MYT1L: variants seen among roughly 807,000 people sequenced by gnomAD.
MYT1L encodes myelin transcription factor 1-like protein.
A neutral mutation model predicts 126.7 loss-of-function variants in MYT1L; 12 were observed. That is an observed-to-expected ratio of 0.09 (90% CI 0.06 to 0.15). The LOEUF is 0.15. Among genes scored for constraint, MYT1L ranks in the 10% least tolerant of loss-of-function variants. MYT1L has a pLI of 1.00. For synonymous variants in MYT1L, 541 were observed against 604.2 expected, an observed-to-expected ratio of 0.90 and a Z score of 1.53; for missense variants, 979 against 1,585.2, an observed-to-expected ratio of 0.62 and a Z score of 6.49.
chr2:2,176,269 G>T (rs768953005), intron 2 of MYT1L, among the ~76,000 whole-genome samples: 1 of 152,094 alleles, frequency 6.6e-6, no homozygotes, highest in Non-Finnish European at 1.5e-5. Context: ...AGGAAATCAG[G>T]AAAAGAATGT....
intron 2 of MYT1L, among the ~76,000 whole-genome samples, chr2:2,185,061 T>C (rs2091973409): frequency 6.6e-6 from 1 of 152,174 alleles, no homozygotes; most frequent in Admixed American, 6.6e-5. Flanking sequence ...AGCTCCTGCA[T>C]TTAGAAAATG....
chr2:1,857,775 C>T lies in MYT1L; in HGVS notation c.2712-6072G>A, dbSNP rs147708860. On this transcript the variant is annotated intron_variant, in intron 18 of 24. Coordinates refer to ENST00000647738, the MANE Select transcript of MYT1L (RefSeq NM_001303052.2). ...AATTTCAATTTTAAAACTTGTTTTT[C>T]ACCTAAACAGATCTGGTTCTAAAAA... Among the ~76,000 whole-genome samples, 1,121 of 152,160 alleles carry T rather than the reference C, an allele frequency of 7.4e-3. 9 individuals are homozygous for T. The highest frequency in any genetic ancestry group is 0.02 in the Middle Eastern group (6 of 294).
intron 3 of MYT1L, among the ~76,000 whole-genome samples, chr2:2,142,463 A>T (rs1273533981): frequency 1.3e-5 from 2 of 152,120 alleles, no homozygotes; most frequent in Admixed American, 1.3e-4. Flanking sequence ...TTGTTATGCG[A>T]ATACCACCAG....
At chr2:2,273,414 G>T (rs1007537136) in intron 2 of MYT1L, among the ~76,000 whole-genome samples, 4 of 152,204 alleles carry the variant, frequency 2.6e-5, no homozygotes, top group Non-Finnish European at 5.9e-5. Flanking sequence ...ATTCCATCAT[G>T]TTCCTGTAGG....
In MYT1L at chr2:1,910,487, T is replaced by TG; in HGVS notation, c.1710-141dup. 1.4e-6 allele frequency: 1 copy of TG among 692,454 alleles called. No homozygotes were observed. Among genetic ancestry groups the TG allele is most frequent in the South Asian group, 1.7e-5 (1 of 57,558 alleles). The allele number at this position is 692,454 out of a possible 1,614,324, so 42.9% of individuals were successfully genotyped here. A position where few individuals can be genotyped will look rare whatever the true frequency, so the allele number is the denominator to read the frequency against. On this transcript the variant is annotated intron_variant, in intron 12 of 24. Transcript: ENST00000647738. The surrounding 1 kb of genome is among the most constrained non-coding windows in gnomAD (Gnocchi z 4.8). ...TTCCCAAACCTGGCACAGGCAGTCCTGATGGGTGGACTGGGAGAGGGGGAG... is the reference window on the plus strand; with the variant it reads ...TTCCCAAACCTGGCACAGGCAGTCCTGGATGGGTGGACTGGGAGAGGGGGAG...
intron 23 of MYT1L, chr2:1,800,092 TACTC>T (rs1331206893): frequency 1.3e-5 from 2 of 152,214 alleles, no homozygotes; most frequent in African/African-American, 4.8e-5. Context: ...AACGGAGTAA[TACTC>T]AAGGGTGAAT....
intron 21 of MYT1L, among the ~76,000 whole-genome samples, chr2:1,812,176 C>T (rs1379087516): frequency 6.6e-6 from 1 of 151,950 alleles, no homozygotes; most frequent in African/African-American, 2.4e-5. Context: ...TTTGTGAGAC[C>T]AGGAGGCCCA....
In MYT1L at chr2:1,979,583, T is replaced by A. The variant is rs771394202; in HGVS notation, c.56-29A>T. ...CAGAGAGATGGAAATAGATAAAAAT[T>A]TACCATCTATCACAAGCGACCCTCT... On this transcript the variant is annotated intron_variant, in intron 6 of 24. Coordinates refer to ENST00000647738, the MANE Select transcript of MYT1L (RefSeq NM_001303052.2). The surrounding 1 kb of genome is among the most constrained non-coding windows in gnomAD (Gnocchi z 4.0). 19 of 1,612,040 alleles carry A rather than the reference T, an allele frequency of 1.2e-5. No homozygotes were observed. The highest frequency in any genetic ancestry group is 1.6e-5 in the Non-Finnish European group (19 of 1,178,414).
intron 2 of MYT1L, among the ~76,000 whole-genome samples, chr2:2,247,867 C>T (rs1263917937): frequency 6.6e-6 from 1 of 151,928 alleles, no homozygotes; most frequent in Non-Finnish European, 1.5e-5. Context: ...CATACCGAAA[C>T]CTATGGAATA....
In MYT1L at chr2:1,792,351, G is replaced by A; in HGVS notation, c.3390C>T (p.His1130=). Residue 1130 remains histidine, a synonymous_variant, in exon 24 of 25, where the codon CAC becomes CAT. Coordinates refer to ENST00000647738, the MANE Select transcript of MYT1L (RefSeq NM_001303052.2). ...ELANLSQSLI[H]SLANIQLPHM... is the part of the protein sequence containing the mutation. The stretch of plus-strand genomic sequence containing the variant: ...GCGGCAGCTGGATGTTAGCCAGGCT[G>A]TGGATCAGAGACTGGCTCAGGTTCG... The A allele has an allele frequency of 6.2e-7, 1 of 1,607,710 alleles. No individual in the cohort carries two copies. The highest frequency in any genetic ancestry group is 8.5e-7 in the Non-Finnish European group (1 of 1,177,122).
chr2:2,267,031 G>C (rs1484188863), intron 2 of MYT1L, among the ~76,000 whole-genome samples: 3 of 152,236 alleles, frequency 2.0e-5, no homozygotes, highest in African/African-American at 4.8e-5. Flanking sequence ...CTTCAGCACA[G>C]GGAGGATGGG....
chr2:1,956,477 C>G (rs2058429854), intron 8 of MYT1L, among the ~76,000 whole-genome samples: 1 of 147,896 alleles, frequency 6.8e-6, no homozygotes, highest in Non-Finnish European at 1.5e-5. Context: ...ATTTCCTATT[C>G]TTTCTATGTG....
At chr2:2,296,025 A>T (rs1182612057) in intron 1 of MYT1L, among the ~76,000 whole-genome samples, 2 of 152,210 alleles carry the variant, frequency 1.3e-5, no homozygotes, top group Non-Finnish European at 2.9e-5. Context: ...ACATACAATC[A>T]AGCAACCCAA....
chr2:2,031,333 C>T (rs1458191292), intron 4 of MYT1L, among the ~76,000 whole-genome samples: 6 of 152,238 alleles, frequency 3.9e-5, no homozygotes, highest in African/African-American at 1.4e-4. Context: ...GTGGGTTTTC[C>T]CATGGTCAAA....
At chr2:2,162,449 C>T (rs1206350585) in intron 3 of MYT1L, among the ~76,000 whole-genome samples, 1 of 152,106 alleles carries the variant, frequency 6.6e-6, no homozygotes, top group Non-Finnish European at 1.5e-5. Flanking sequence ...GCAGCTGAGC[C>T]CTTGCTGACT....
chr2:1,949,181 C>T (rs576254184), intron 8 of MYT1L, among the ~76,000 whole-genome samples: 3 of 152,294 alleles, frequency 2.0e-5, no homozygotes, highest in African/African-American at 4.8e-5. Context: ...CACAGAAAAC[C>T]ATGCTGTCTT....
chr2:1,939,277 G>A (rs1239744580), intron 9 of MYT1L, among the ~76,000 whole-genome samples: 2 of 152,216 alleles, frequency 1.3e-5, no homozygotes, highest in East Asian at 3.8e-4. Flanking sequence ...AACTGCAGGG[G>A]AATCGGTTGC....
Position 2,059,062 on chromosome 2 carries a change from G to C in MYT1L, c.-303-4939C>G, listed in dbSNP as rs1215667366. Among the ~76,000 whole-genome samples the C allele has an allele frequency of 5.9e-5, 9 of 152,216 alleles. No individual in the cohort carries two copies. On this transcript the variant is annotated intron_variant, in intron 3 of 24. Coordinates refer to ENST00000647738, the MANE Select transcript of MYT1L (RefSeq NM_001303052.2). The surrounding 1 kb of genome is among the most constrained non-coding windows in gnomAD (Gnocchi z 4.7). ...CAAGGACAATTGGGTCATGTCTGCT[G>C]TTTGAGAGAAGGAAGAATTCACTCA...
chr2:1,871,594 G>C (rs564459298), intron 18 of MYT1L, among the ~76,000 whole-genome samples: 1 of 152,306 alleles, frequency 6.6e-6, no homozygotes, highest in East Asian at 1.9e-4. Flanking sequence ...TGGCTAGAGG[G>C]GTGAAGGGTC....
Sources: gnomAD v4.1 joint callset for allele counts (sites outside exome capture counted in the v4.1 genomes callset) on GRCh38, gnomAD v4.1.1 for gene constraint, Gnocchi (gnomAD v3.1) non-coding constraint, MANE v1.5 for transcripts, NCBI Gene and HGNC (gene_info 2026-07-23, HGNC 2026-07-21) for gene names.